The following RFX4 variants were observed in gnomAD, a reference collection of about 807,000 sequenced individuals.
The protein encoded by RFX4 is transcription factor RFX4.
A neutral mutation model predicts 95.0 loss-of-function variants in RFX4; 10 were observed. That is an observed-to-expected ratio of 0.11 (90% CI 0.06 to 0.18). RFX4 has a LOEUF of 0.18. Among genes scored for constraint, RFX4 ranks in the 10% least tolerant of loss-of-function variants. RFX4 has a pLI of 1.00. For missense variants in RFX4, 640 were observed against 922.0 expected, an observed-to-expected ratio of 0.69 and a Z score of 3.96; for synonymous variants, 321 against 340.7, an observed-to-expected ratio of 0.94 and a Z score of 0.64.
chr12:106,600,624 T>A (rs2039688106), intron 1 of RFX4, among the ~76,000 whole-genome samples: 1 of 152,158 alleles, frequency 6.6e-6, no homozygotes, highest in Admixed American at 6.5e-5. Flanking sequence ...CTGTTTAAAG[T>A]CCTCCAATAG....
At chr12:106,751,531 G>A (rs2043006117) in intron 17 of RFX4, among the ~76,000 whole-genome samples, 1 of 150,028 alleles carries the variant, frequency 6.7e-6, no homozygotes, top group South Asian at 2.2e-4. Context: ...CACAATGGTT[G>A]AACTAGTTTA....
At chr12:106,612,861 A>G (rs1054982388) in intron 2 of RFX4, among the ~76,000 whole-genome samples, 2 of 151,972 alleles carry the variant, frequency 1.3e-5, no homozygotes, top group African/African-American at 2.4e-5. Flanking sequence ...AGATGATTTC[A>G]TCTGTGAAAA....
chr12:106,586,062 C>G lies in RFX4; in HGVS notation c.43+2699C>G, dbSNP rs1212361495. On this transcript the variant is annotated intron_variant, in intron 1 of 17. Coordinates refer to ENST00000392842, the MANE Select transcript of RFX4 (RefSeq NM_213594.3). This position sits in a 1 kb window ranked among gnomAD's most constrained non-coding sequence, Gnocchi z 5.6. ...CGGTCGGGGGAAGCTGGGCAGCCGG[C>G]GCGCGCCTCCTGGGCCCTAGGCGCT... 1.3e-5 allele frequency: 2 copies of G among 152,238 alleles called. No individual in the cohort carries two copies. Among genetic ancestry groups the G allele is most frequent in the East Asian group, 3.9e-4 (2 of 5,168 alleles). 9.4% of individuals were successfully genotyped at this position (152,238 alleles called of 1,614,324 possible). A position where few individuals can be genotyped will look rare whatever the true frequency, so the allele number is the denominator to read the frequency against.
At chr12:106,695,127 T>C (rs1356589848) in intron 7 of RFX4, among the ~76,000 whole-genome samples, 2 of 152,100 alleles carry the variant, frequency 1.3e-5, no homozygotes, top group Admixed American at 6.5e-5. Flanking sequence ...CAGGATTGAT[T>C]TGGGGAAACA....
At chr12:106,615,000 T>C (rs1565950761) in intron 2 of RFX4, among the ~76,000 whole-genome samples, 1 of 152,190 alleles carries the variant, frequency 6.6e-6, no homozygotes, top group Non-Finnish European at 1.5e-5. Flanking sequence ...TCTAATAAAA[T>C]TTAATTAATG....
Position 106,704,320 on chromosome 12 carries a change from C to T in RFX4, c.834-5010C>T, listed in dbSNP as rs148501620. Among the ~76,000 whole-genome samples, 1,233 of 152,288 alleles carry T rather than the reference C, an allele frequency of 8.1e-3. 4 individuals are homozygous for T. Among genetic ancestry groups the T allele is most frequent in the Admixed American group, 0.012 (189 of 15,290 alleles). The stretch of plus-strand genomic sequence containing the variant: ...CCAAAGGAGACTGTTAAAAAAATCA[C>T]GTGGTTACATAATTACTACTGCAAT... On this transcript the variant is annotated intron_variant, in intron 8 of 17. Transcript: ENST00000392842.
Position 106,706,175 on chromosome 12 carries a change from G to C in RFX4, c.834-3155G>C, listed in dbSNP as rs73188537. ...GGATGCCAGGGGCGAAGGCCCTGAG[G>C]GGAGAGGACCAGTTGGAGTTGGAGG... is the stretch of plus-strand genomic sequence containing the variant. On this transcript the variant is annotated intron_variant, in intron 8 of 17. Transcript: ENST00000392842. 9.4e-3 allele frequency among the ~76,000 whole-genome samples: 1,439 copies of C among 152,384 alleles called. 11 individuals are homozygous for C. The highest frequency in any genetic ancestry group is 0.016 in the Non-Finnish European group (1,096 of 68,032).
At chr12:106,699,246 T>G (rs998067528) in intron 8 of RFX4, among the ~76,000 whole-genome samples, 1 of 152,142 alleles carries the variant, frequency 6.6e-6, no homozygotes. Flanking sequence ...AATTTCTAGT[T>G]TAATTCCCTT....
At chr12:106,748,044 A>G (rs1404011593) in intron 16 of RFX4, among the ~76,000 whole-genome samples, 1 of 152,088 alleles carries the variant, frequency 6.6e-6, no homozygotes, top group Non-Finnish European at 1.5e-5. Flanking sequence ...TATCCTGAGC[A>G]CTGTATTGTG....
At chr12:106,731,041 G>T (rs2042602878) in intron 13 of RFX4, among the ~76,000 whole-genome samples, 1 of 152,084 alleles carries the variant, frequency 6.6e-6, no homozygotes, top group Non-Finnish European at 1.5e-5. Flanking sequence ...AAGGAAATGG[G>T]AAAAAAGCAA....
chr12:106,673,326 C>T (rs1191238983), intron 4 of RFX4, among the ~76,000 whole-genome samples: 1 of 152,198 alleles, frequency 6.6e-6, no homozygotes, highest in East Asian at 1.9e-4. Flanking sequence ...CTCCAGCCAG[C>T]GGGCTGTGAA....
At chr12:106,644,293 G>T (rs1407645889) in intron 3 of RFX4, among the ~76,000 whole-genome samples, 1 of 148,842 alleles carries the variant, frequency 6.7e-6, no homozygotes, top group Non-Finnish European at 1.5e-5. Context: ...GAGTGCAATG[G>T]TGTGATCTCG....
In RFX4 at chr12:106,761,431, T is replaced by C; in HGVS notation, c.2170T>C (p.Tyr724His). Residue 724 changes from tyrosine (Y) to histidine (H), a missense_variant, in exon 18 of 18, where the codon TAC (tyrosine) becomes CAC (histidine). Physicochemically the swap from Tyr to His is moderately conservative, Grantham distance 83 (BLOSUM62 2). This residue lies in a region of RFX4 where 300 missense variants were observed against 346.8 expected (regional missense o/e 0.87). Coordinates refer to ENST00000392842, the MANE Select transcript of RFX4 (RefSeq NM_213594.3). ...EHMQHFPGFAYINGEASTGWA... is the reference protein window; with the variant it reads ...EHMQHFPGFAHINGEASTGWA... ...CATGCAACACTTTCCTGGCTTTGCT[T>C]ACATCAACGGAGAGGCCTCTACAGG... 6.2e-7 allele frequency: 1 copy of C among 1,614,078 alleles called. No homozygotes were observed. Among genetic ancestry groups the C allele is most frequent in the Non-Finnish European group, 8.5e-7 (1 of 1,180,000 alleles).
intron 3 of RFX4, 35 bp downstream of exon 3, chr12:106,639,427 AG>A (rs1364939957): frequency 3.8e-6 from 6 of 1,588,246 alleles, no homozygotes; most frequent in Non-Finnish European, 4.3e-6. Flanking sequence ...CTGTCTTCAG[AG>A]GATGCTCATA....
chr12:106,613,513 C>T (rs1809457590), intron 2 of RFX4, among the ~76,000 whole-genome samples: 2 of 151,938 alleles, frequency 1.3e-5, no homozygotes, highest in South Asian at 2.1e-4. Context: ...CAGGCGCCCA[C>T]CACCACACCC....
At chr12:106,585,444 T>G (rs77408400) in intron 1 of RFX4, among the ~76,000 whole-genome samples, 9 of 152,308 alleles carry the variant, frequency 5.9e-5, no homozygotes, top group Non-Finnish European at 1.2e-4. Flanking sequence ...TCAAAAGTTT[T>G]GGTACACGAC....
At chr12:106,711,182 G>A (rs567752121) in intron 9 of RFX4, among the ~76,000 whole-genome samples, 23 of 152,098 alleles carry the variant, frequency 1.5e-4, no homozygotes, top group Non-Finnish European at 2.9e-4. Flanking sequence ...GTTGATTGAC[G>A]CCACCATTTC....
intron 7 of RFX4, 25 bp downstream of exon 7, chr12:106,689,389 GA>G: frequency 6.4e-7 from 1 of 1,555,232 alleles, no homozygotes; most frequent in Non-Finnish European, 8.9e-7. Context: ...GTTGAGCTGT[GA>G]ATACTCGGTA....
At chr12:106,686,851 T>TTC in intron 5 of RFX4, 33 bp from the exon 6 acceptor site, 1 of 1,479,182 alleles carries the variant, frequency 6.8e-7, no homozygotes, top group Non-Finnish European at 9.0e-7. Flanking sequence ...TTTTTTTTTT[T>TTC]TCTCTCTCTC....
Sources: allele counts gnomAD v4.1 joint callset (sites outside exome capture counted in the v4.1 genomes callset), GRCh38; gene constraint gnomAD v4.1.1; regional missense constraint gnomAD v4.1.1; non-coding constraint Gnocchi (gnomAD v3.1); transcripts MANE v1.5; gene names NCBI Gene and HGNC (gene_info 2026-07-23, HGNC 2026-07-21).